The following HS6ST2 variants were observed in gnomAD, a reference collection of about 807,000 sequenced individuals.
The protein encoded by HS6ST2 is heparan sulfate 6-O-sulfotransferase 2, also known as heparan-sulfate 6-O-sulfotransferase 2.
HS6ST2 carries 17 observed loss-of-function variants against 33.0 expected under a neutral mutation model. The ratio of observed to expected loss-of-function variants is 0.52; its 90% CI spans 0.35 to 0.77. The LOEUF (loss-of-function observed/expected upper bound fraction) is 0.77, where lower values mean the gene tolerates loss of function less well. HS6ST2 is among the 30% of genes least tolerant of loss of function. The pLI, the probability that HS6ST2 is intolerant of heterozygous loss-of-function variation, is 0.01. For missense variants in HS6ST2, 519 were observed against 551.7 expected (o/e 0.94, Z 0.59); for synonymous variants, 248 against 237.1 (o/e 1.05, Z -0.42).
chrX:132,835,302 T>C (rs2065630058), intron 2 of HS6ST2, among the ~76,000 whole-genome samples: 1 of 111,419 alleles, frequency 9.0e-6, no homozygotes, highest in Non-Finnish European at 1.9e-5. Context: ...AAGGCCACCA[T>C]GGTGGAAAAT....
At chrX:132,872,673 C>A (rs2066073738) in intron 2 of HS6ST2, among the ~76,000 whole-genome samples, 1 of 111,532 alleles carries the variant, frequency 9.0e-6, no homozygotes, top group South Asian at 3.8e-4. Flanking sequence ...GTGTTCATAA[C>A]CAGAAAAGGT....
chrX:132,958,029 C>T, intron 1 of HS6ST2, 146 bp downstream of exon 1: 1 of 539,196 alleles, frequency 1.9e-6, no homozygotes. Context: ...ATGCGCGCCG[C>T]ACCCCTCCGG....
intron 3 of HS6ST2, among the ~76,000 whole-genome samples, chrX:132,694,717 T>G (rs2064090463): frequency 9.0e-6 from 1 of 111,591 alleles, no homozygotes; most frequent in South Asian, 3.8e-4. Flanking sequence ...TAAGAAATGA[T>G]GGCGGCTTGG....
chrX:132,882,760 G>A (rs1204702544), intron 2 of HS6ST2, among the ~76,000 whole-genome samples: 1 of 111,099 alleles, frequency 9.0e-6, no homozygotes, highest in Non-Finnish European at 1.9e-5. Flanking sequence ...TTGGCTGTGG[G>A]ATTGTCATAA....
rs2067113899 is a variant in HS6ST2 at position 132,958,393 on chromosome X, C to A, written c.210G>T (p.Lys70Asn). 5.0e-6 allele frequency: 6 copies of A among 1,197,553 alleles called. No homozygotes were observed. Among genetic ancestry groups the A allele is most frequent in the Non-Finnish European group, 6.7e-6 (6 of 892,080 alleles). Reference protein sequence around the residue: ...HGFHTRPLLDKPRKASSSLAG... With the variant: ...HGFHTRPLLDNPRKASSSLAG... ...CCAGGGAAGAAGACGCCTTTCGGGGCTTGTCCAGGAGCGGCCGGGTGTGGA... is the reference window on the plus strand; with the variant it reads ...CCAGGGAAGAAGACGCCTTTCGGGGATTGTCCAGGAGCGGCCGGGTGTGGA... The change falls in exon 1 of 5, where the codon AAG (lysine) becomes AAT (asparagine). Residue 70 changes from lysine (K) to asparagine (N), a missense_variant. Physicochemically the swap from Lys to Asn is moderately conservative, Grantham distance 94. Coordinates refer to ENST00000370833, the MANE Select transcript of HS6ST2 (RefSeq NM_001394073.1).
chrX:132,634,036 C>T (rs2148598504), intron 4 of HS6ST2, among the ~76,000 whole-genome samples: 1 of 111,997 alleles, frequency 8.9e-6, no homozygotes, highest in South Asian at 3.8e-4. Context: ...ATATGCCACG[C>T]TGGAACGCAA....
At chrX:132,883,342 C>G (rs898482281) in intron 2 of HS6ST2, among the ~76,000 whole-genome samples, 14 of 111,246 alleles carry the variant, frequency 1.3e-4, no homozygotes, top group African/African-American at 3.6e-4. Context: ...CAACTTCTTC[C>G]TGGTTTAGTC....
chrX:132,761,331 G>A (rs992338358), intron 2 of HS6ST2, among the ~76,000 whole-genome samples: 8 of 111,883 alleles, frequency 7.2e-5, no homozygotes, highest in African/African-American at 1.3e-4. Flanking sequence ...AGGGTCCTGG[G>A]AAGTGAGTGC....
chrX:132,839,464 G>A (rs184580164), intron 2 of HS6ST2, among the ~76,000 whole-genome samples: 343 of 108,294 alleles, frequency 3.2e-3, no homozygotes, highest in African/African-American at 0.011. Context: ...AATACCTAGC[G>A]TTGTCACTTA....
At chrX:132,802,014 T>C (rs763469774) in intron 2 of HS6ST2, among the ~76,000 whole-genome samples, 2 of 112,239 alleles carry the variant, frequency 1.8e-5, no homozygotes, top group African/African-American at 3.2e-5. Context: ...GAGGTCTAAG[T>C]AGTTTATAGA....
chrX:132,933,201 G>A lies in HS6ST2; in HGVS notation c.947+23607C>T, dbSNP rs762002522. 2.1e-3 allele frequency among the ~76,000 whole-genome samples: 228 copies of A among 109,386 alleles called. 1 individual carries two copies. The highest frequency in any genetic ancestry group is 6.7e-3 in the African/African-American group (203 of 30,142). The allele number at this position is 109,386 out of a possible 115,157, so 95.0% of individuals were successfully genotyped here. A position where few individuals can be genotyped will look rare whatever the true frequency, so the allele number is the denominator to read the frequency against. On this transcript the variant is annotated intron_variant, in intron 2 of 4. Transcript: ENST00000370833. ...AAATTGGCCAGGCATGGTGGCATGC[G>A]TCTGTAATCCCAGCTATTCGGGAGG...
chrX:132,767,942 C>T (rs1193249710), intron 2 of HS6ST2, among the ~76,000 whole-genome samples: 1 of 111,515 alleles, frequency 9.0e-6, no homozygotes, highest in African/African-American at 3.3e-5. Context: ...TTCCTTTTAA[C>T]CATGATGTTG....
At chrX:132,800,757 C>T (rs974156630) in intron 2 of HS6ST2, among the ~76,000 whole-genome samples, 3 of 111,599 alleles carry the variant, frequency 2.7e-5, no homozygotes, top group Non-Finnish European at 5.6e-5. Flanking sequence ...GTGCCCCCAC[C>T]CAAATCTCAT....
chrX:132,840,915 G>T (rs1404504838), intron 2 of HS6ST2, among the ~76,000 whole-genome samples: 3 of 112,194 alleles, frequency 2.7e-5, no homozygotes, highest in African/African-American at 9.7e-5. Flanking sequence ...CATAAAAATC[G>T]CAAAGCAATT....
intron 2 of HS6ST2, among the ~76,000 whole-genome samples, chrX:132,947,608 T>C (rs1272778044): frequency 2.7e-5 from 3 of 112,081 alleles, no homozygotes; most frequent in Non-Finnish European, 5.6e-5. Flanking sequence ...GGCTAGTGTT[T>C]GCATAGTGTA....
chrX:132,865,811 T>G (rs1374467675), intron 2 of HS6ST2, among the ~76,000 whole-genome samples: 1 of 111,607 alleles, frequency 9.0e-6, no homozygotes, highest in Non-Finnish European at 1.9e-5. Flanking sequence ...CTTCGCCCAC[T>G]TTTTGATGGG....
At chrX:132,689,588 T>C (rs2064044816) in intron 3 of HS6ST2, among the ~76,000 whole-genome samples, 1 of 112,342 alleles carries the variant, frequency 8.9e-6, no homozygotes, top group African/African-American at 3.2e-5. Flanking sequence ...CGTACCTCTA[T>C]GGAATACAAT....
intron 2 of HS6ST2, among the ~76,000 whole-genome samples, chrX:132,944,910 A>T (rs1338820371): frequency 8.9e-6 from 1 of 111,909 alleles, no homozygotes; most frequent in African/African-American, 3.2e-5. Context: ...CCTAGAAGAA[A>T]GCCTAGGCAA....
chrX:132,941,199 C>T (rs1046471335), intron 2 of HS6ST2, among the ~76,000 whole-genome samples: 2 of 111,579 alleles, frequency 1.8e-5, no homozygotes, highest in African/African-American at 6.5e-5. Context: ...TAGCATTCAG[C>T]TGAACTCTGG....
Sources: gnomAD v4.1 joint callset for allele counts (sites outside exome capture counted in the v4.1 genomes callset) on GRCh38, gnomAD v4.1.1 for gene constraint, MANE v1.5 for transcripts, NCBI Gene and HGNC (gene_info 2026-07-23, HGNC 2026-07-21) for gene names.